Variants in TROAP observed in about 807,000 individuals in gnomAD.
TROAP encodes trophinin associated protein.
A neutral mutation model predicts 83.4 loss-of-function variants in TROAP; 62 were observed. That is an observed-to-expected ratio of 0.74 (90% CI 0.61 to 0.92). The LOEUF is 0.92. Among genes scored for constraint, TROAP ranks in the 40% least tolerant of loss-of-function variants. The pLI is 0.00. For synonymous variants in TROAP, 352 were observed against 386.4 expected (o/e 0.91, Z 1.04); for missense variants, 876 against 985.1 (o/e 0.89, Z 1.48).
Position 49,323,887 on chromosome 12 carries a change from G to C in TROAP, c.187G>C (p.Val63Leu), listed in dbSNP as rs1489183232. 1 of 1,613,896 alleles carries C rather than the reference G, an allele frequency of 6.2e-7. No individual in the cohort carries two copies. Among genetic ancestry groups the C allele is most frequent in the South Asian group, 1.1e-5 (1 of 91,090 alleles). ...ACCGCTCAATATTCAACGCCCCCTC[G>C]TTGATTCAGCAGGCCCCAGGCCGAA... ...KPPLNIQRPL[V>L]DSAGPRPKAR... Residue 63 changes from valine to leucine, a missense_variant, in exon 3 of 15, where the codon GTT becomes CTT. This residue lies in a region of TROAP where 689 missense variants were observed against 722.6 expected (regional missense o/e 0.95). Coordinates refer to ENST00000257909, the MANE Select transcript of TROAP (RefSeq NM_005480.4).
rs755723828 is a variant in TROAP at position 49,330,381 on chromosome 12, A to C, written c.1536A>C (p.Pro512=). The C allele has an allele frequency of 1.2e-6, 2 of 1,614,052 alleles. No individual in the cohort carries two copies. Among genetic ancestry groups the C allele is most frequent in the Non-Finnish European group, 8.5e-7 (1 of 1,180,006 alleles). The change falls in exon 13 of 15, where the codon CCA becomes CCC. Residue 512 remains proline, a synonymous_variant. Transcript: ENST00000257909. ...GTCTTCCAGAGGAGTGCGGGGAACCACAGCCCTGCCCTCCGGCAGAGCCTG... is the reference window on the plus strand; with the variant it reads ...GTCTTCCAGAGGAGTGCGGGGAACCCCAGCCCTGCCCTCCGGCAGAGCCTG... ...KPCLPEECGE[P]QPCPPAEPGP...
chr12:49,329,228 C>A lies in TROAP; in HGVS notation c.1088C>A (p.Thr363Asn). The change falls in exon 10 of 15, where the codon ACC becomes AAC. Residue 363 changes from threonine (T) to asparagine (N), a missense_variant. Around this residue, in one of 3 missense-constraint regions of TROAP, gnomAD observed 689 missense variants for 722.6 expected, o/e 0.95. Transcript: ENST00000257909. The surrounding 1 kb of genome is among the most constrained non-coding windows in gnomAD (Gnocchi z 4.5). Reference protein sequence around the residue: ...PKTRFTPMPSTPRVQQAQWLR... With the variant: ...PKTRFTPMPSNPRVQQAQWLR... ...ACCCGGTTCACACCCATGCCATCAACCCCCAGAGTTCAGCAGGTAAGAGAG... is the reference window on the plus strand; with the variant it reads ...ACCCGGTTCACACCCATGCCATCAAACCCCAGAGTTCAGCAGGTAAGAGAG... 1 of 1,614,194 alleles carries A rather than the reference C, an allele frequency of 6.2e-7. No individual in the cohort carries two copies. Among genetic ancestry groups the A allele is most frequent in the Non-Finnish European group, 8.5e-7 (1 of 1,180,046 alleles).
In TROAP at chr12:49,328,158, G is replaced by A. The variant is rs148798698; in HGVS notation, c.892-769G>A. On this transcript the variant is annotated intron_variant, in intron 8 of 14. Coordinates refer to ENST00000257909, the MANE Select transcript of TROAP (RefSeq NM_005480.4). The stretch of plus-strand genomic sequence containing the variant: ...AAGTCTTTGGCTTGTCTTGGAATGA[G>A]TGGAAAGCCATGGGGAGAGGGGTTG... Among the ~76,000 whole-genome samples the A allele has an allele frequency of 6.8e-3, 1,023 of 150,352 alleles. 5 individuals are homozygous for A. Among genetic ancestry groups the A allele is most frequent in the Middle Eastern group, 0.031 (9 of 288 alleles).
intron 6 of TROAP, 134 bp from the exon 7 acceptor site, chr12:49,326,534 A>G: frequency 9.3e-7 from 1 of 1,076,042 alleles, no homozygotes. Flanking sequence ...TTTCTTTGTC[A>G]AGTGAGAATA....
In TROAP at chr12:49,329,179, C is replaced by T. The variant is rs749320809; in HGVS notation, c.1039C>T (p.Arg347Trp). ...PPTLTSYSVL[R>W]RLTVQPKTRF... The stretch of plus-strand genomic sequence containing the variant: ...TCCCCAGACCTCATATTCAGTGTTG[C>T]GGCGTCTCACCGTTCAACCTAAAAC... The change falls in exon 10 of 15, where the codon CGG becomes TGG. Residue 347 changes from arginine to tryptophan, a missense_variant. Arg to Trp is a moderately radical substitution (Grantham distance 101). This residue lies in a region of TROAP where 689 missense variants were observed against 722.6 expected (regional missense o/e 0.95). Transcript: ENST00000257909. This position sits in a 1 kb window ranked among gnomAD's most constrained non-coding sequence, Gnocchi z 4.5. The T allele has an allele frequency of 1.4e-5, 23 of 1,613,990 alleles. No individual in the cohort carries two copies. Among genetic ancestry groups the T allele is most frequent in the East Asian group, 4.5e-5 (2 of 44,892 alleles).
At chr12:49,327,065 T>G (rs1943510828) in intron 7 of TROAP, 144 bp from the exon 8 acceptor site, 1 of 995,842 alleles carries the variant, frequency 1.0e-6, no homozygotes, top group African/African-American at 1.6e-5. Context: ...TGTTGGGTGT[T>G]GAGGGGCTGC....
chr12:49,326,188 C>G (rs767035770), intron 6 of TROAP, 30 bp downstream of exon 6: 5 of 1,606,512 alleles, frequency 3.1e-6, no homozygotes, highest in Non-Finnish European at 4.3e-6. Flanking sequence ...GGGAGAAGGT[C>G]ATCTGGAAAA....
intron 7 of TROAP, 80 bp from the exon 8 acceptor site, chr12:49,327,129 C>G: frequency 6.3e-7 from 1 of 1,574,944 alleles, no homozygotes; most frequent in Non-Finnish European, 8.7e-7. Context: ...CTAATATACC[C>G]TCTTCAGAAG....
intron 7 of TROAP, 93 bp downstream of exon 7, chr12:49,326,813 G>A: frequency 1.4e-6 from 2 of 1,404,014 alleles, no homozygotes; most frequent in South Asian, 1.3e-5. Flanking sequence ...CTGGGAGGGA[G>A]CATGAGGAAG....
Position 49,329,154 on chromosome 12 carries a change from TC to T in TROAP, c.1021-3del, listed in dbSNP as rs567298366. The T allele has an allele frequency of 1.2e-3, 1,870 of 1,613,676 alleles. 2 individuals carry two copies. The highest frequency in any genetic ancestry group is 2.8e-3 in the Middle Eastern group (17 of 6,062). ...GTCCCTGCTCAGCCACCCACATCTC[TC>T]CCCAGACCTCATATTCAGTGTTGCG... is the stretch of plus-strand genomic sequence containing the variant. On this transcript the variant is annotated splice_polypyrimidine_tract_variant and splice_region_variant and intron_variant, in intron 9 of 14. Transcript: ENST00000257909. This position sits in a 1 kb window ranked among gnomAD's most constrained non-coding sequence, Gnocchi z 4.5.
At position 49,330,755 on chromosome 12, in the gene TROAP, C is replaced by G; in HGVS notation, c.1910C>G (p.Pro637Arg). Residue 637 changes from proline to arginine, a missense_variant, in exon 13 of 15, where the codon CCT becomes CGT. Transcript: ENST00000257909. ...QGQSGPPGPC[P>R]RVELGASEPC... is the part of the protein sequence containing the mutation. The stretch of plus-strand genomic sequence containing the variant: ...CAGTCTGGACCCCCAGGGCCCTGCC[C>G]TAGGGTAGAGCTGGGGGCATCAGAG... 1.2e-6 allele frequency: 2 copies of G among 1,614,002 alleles called. No homozygotes were observed. Among genetic ancestry groups the G allele is most frequent in the Non-Finnish European group, 1.7e-6 (2 of 1,179,950 alleles).
At chr12:49,323,785 C>T in intron 2 of TROAP, 33 bp downstream of exon 2, 1 of 1,614,044 alleles carries the variant, frequency 6.2e-7, no homozygotes, top group Non-Finnish European at 8.5e-7. Flanking sequence ...AGACAGTAGT[C>T]ACACCAGTAA....
At position 49,331,320 on chromosome 12, in the gene TROAP, C is replaced by A; in HGVS notation, c.2205C>A (p.Ala735=). Residue 735 remains alanine (A), a synonymous_variant, in exon 14 of 15, where the codon GCC becomes GCA. Transcript: ENST00000257909. ...AGGCTCGTCTGGACGATGAGTGTGC[C>A]TTTTACACCAGCCGAGCCCCTCCCT... ...FHEARLDDEC[A]FYTSRAPPSG... 6.2e-7 allele frequency: 1 copy of A among 1,614,196 alleles called. No individual in the cohort carries two copies. Among genetic ancestry groups the A allele is most frequent in the Non-Finnish European group, 8.5e-7 (1 of 1,180,028 alleles).
chr12:49,323,546 G>A (rs1305577470), intron 1 of TROAP, 58 bp from the exon 2 acceptor site: 3 of 1,584,042 alleles, frequency 1.9e-6, no homozygotes, highest in Middle Eastern at 1.7e-4. Context: ...GGTGCCCCGA[G>A]AACTGGTTGA....
rs760607565 is a variant in TROAP, at chr12:49,329,928, G to A, written c.1236G>A (p.Pro412=). The part of the protein sequence containing the change: ...IRSLEGSGKP[P]VATPSGPHSN... ...CACTGGAGGGTTCTGGGAAACCACCGGTGGCCACTCCTTCTGGACCCCACT... is the reference window on the plus strand; with the variant it reads ...CACTGGAGGGTTCTGGGAAACCACCAGTGGCCACTCCTTCTGGACCCCACT... The change falls in exon 12 of 15, where the codon CCG becomes CCA. Residue 412 remains proline, a synonymous_variant. Transcript: ENST00000257909. The surrounding 1 kb of genome is among the most constrained non-coding windows in gnomAD (Gnocchi z 4.5). 39 of 1,613,948 alleles carry A rather than the reference G, an allele frequency of 2.4e-5. No homozygotes were observed. Among genetic ancestry groups the A allele is most frequent in the African/African-American group, 5.3e-5 (4 of 74,878 alleles).
chr12:49,326,695 G>T lies in TROAP; in HGVS notation c.744G>T (p.Leu248Phe). 6.4e-7 allele frequency: 1 copy of T among 1,561,154 alleles called. No homozygotes were observed. The highest frequency in any genetic ancestry group is 8.7e-7 in the Non-Finnish European group (1 of 1,151,156). The change falls in exon 7 of 15, where the codon TTG (leucine) becomes TTT (phenylalanine). Residue 248 changes from leucine (L) to phenylalanine (F), a missense_variant. Coordinates refer to ENST00000257909, the MANE Select transcript of TROAP (RefSeq NM_005480.4). ...SRTSVSQASG[L>F]LLETPVQPAF... ...CTTCAGTGAGCCAGGCCTCAGGATT[G>T]CTCCTGGAGACCCCAGTCCAGCCTG...
rs111743050 is a variant in TROAP, at chr12:49,328,851, G to A, written c.892-76G>A. 3.6e-5 allele frequency: 54 copies of A among 1,490,350 alleles called. 1 individual carries two copies. In the African/African-American group the frequency reaches 5.3e-4, roughly 15 times the overall value. The allele number at this position is 1,490,350 out of a possible 1,614,324, so 92.3% of individuals were successfully genotyped here. A position where few individuals can be genotyped will look rare whatever the true frequency, so the allele number is the denominator to read the frequency against. On this transcript the variant is annotated intron_variant, in intron 8 of 14. Coordinates refer to ENST00000257909, the MANE Select transcript of TROAP (RefSeq NM_005480.4). ...TGGACTCCATCCTGGGTGACAGAGC[G>A]AGACTCCGTATCAAAAAAAAAAATA...
intron 3 of TROAP, among the ~76,000 whole-genome samples, chr12:49,325,057 C>T (rs112827828): frequency 1.7e-4 from 26 of 151,520 alleles, no homozygotes; most frequent in Admixed American, 2.6e-4. Flanking sequence ...ACTACAGGCG[C>T]GCGCCACCAG....
chr12:49,326,404 CTA>C (rs952780817), intron 6 of TROAP, among the ~76,000 whole-genome samples: 2 of 152,112 alleles, frequency 1.3e-5, no homozygotes, highest in African/African-American at 4.8e-5. Context: ...CAGAAATGTG[CTA>C]TCTCTTTTGT....
Sources: gnomAD v4.1 joint callset for allele counts (sites outside exome capture counted in the v4.1 genomes callset) on GRCh38, gnomAD v4.1.1 for gene constraint, gnomAD v4.1.1 regional missense constraint, Gnocchi (gnomAD v3.1) non-coding constraint, MANE v1.5 for transcripts, NCBI Gene and HGNC (gene_info 2026-07-23, HGNC 2026-07-21) for gene names.